RIN2: variants seen among roughly 807,000 people sequenced by gnomAD.
The protein encoded by RIN2 is RAB5 interacting protein 2.
RIN2 carries 36 observed loss-of-function variants against 78.0 expected under a neutral mutation model. That is an observed-to-expected ratio of 0.46 (90% CI 0.35 to 0.61). The LOEUF (loss-of-function observed/expected upper bound fraction) is 0.61. Ranked by LOEUF, RIN2 falls within the 20% of genes least tolerant of loss-of-function variation. The pLI is 0.00. For missense variants in RIN2, 1,087 were observed against 1,159.7 expected (o/e 0.94, Z 0.91); for synonymous variants, 466 against 466.8 (o/e 1.00, Z 0.02).
intron 4 of RIN2, among the ~76,000 whole-genome samples, chr20:19,954,311 C>T (rs531204726): frequency 5.3e-5 from 8 of 152,136 alleles, no homozygotes; most frequent in Non-Finnish European, 1.2e-4. Flanking sequence ...CAGTTGAGTT[C>T]CTTTGGGTTT....
At chr20:19,875,500 A>G (rs1010629295) in intron 2 of RIN2, among the ~76,000 whole-genome samples, 3 of 152,046 alleles carry the variant, frequency 2.0e-5, no homozygotes, top group Non-Finnish European at 4.4e-5. Flanking sequence ...AGTTAACTGG[A>G]TGTGGTATTG....
chr20:19,922,864 T>C (rs977106487), intron 3 of RIN2, among the ~76,000 whole-genome samples: 1 of 152,068 alleles, frequency 6.6e-6, no homozygotes, highest in Non-Finnish European at 1.5e-5. Flanking sequence ...TACCTTTCAC[T>C]CGCCTGTCTT....
At chr20:19,908,109 G>A (rs879293581) in intron 3 of RIN2, among the ~76,000 whole-genome samples, 1 of 152,124 alleles carries the variant, frequency 6.6e-6, no homozygotes, top group Non-Finnish European at 1.5e-5. Flanking sequence ...TTAGGTCCAT[G>A]CTCCATCTGT....
chr20:19,862,970 C>T (rs1335052567), intron 2 of RIN2, among the ~76,000 whole-genome samples: 3 of 152,224 alleles, frequency 2.0e-5, no homozygotes, highest in Admixed American at 1.3e-4. Context: ...CCATGTTCCT[C>T]CCTCTTGGCA....
chr20:19,810,558 G>T (rs1382391628), intron 2 of RIN2, among the ~76,000 whole-genome samples: 1 of 152,150 alleles, frequency 6.6e-6, no homozygotes, highest in Non-Finnish European at 1.5e-5. Context: ...CAGAGCCTCG[G>T]CAGAACATCA....
chr20:19,909,533 G>A (rs1568598538), intron 3 of RIN2, among the ~76,000 whole-genome samples: 1 of 152,074 alleles, frequency 6.6e-6, no homozygotes, highest in East Asian at 1.9e-4. Context: ...GCACGTCTCT[G>A]TGTTGAGCCC....
At chr20:19,909,822 C>T (rs1393494659) in intron 3 of RIN2, among the ~76,000 whole-genome samples, 2 of 152,230 alleles carry the variant, frequency 1.3e-5, no homozygotes, top group Admixed American at 6.5e-5. Context: ...GGCCACAAGA[C>T]ATTGGCTTCC....
At chr20:19,990,476 A>G (rs749891336) in intron 10 of RIN2, among the ~76,000 whole-genome samples, 165 bp downstream of exon 10, 1 of 152,174 alleles carries the variant, frequency 6.6e-6, no homozygotes, top group South Asian at 2.1e-4. Flanking sequence ...CCGGCACATT[A>G]GTCACATGCA....
chr20:19,769,984 C>G (rs545805694), intron 1 of RIN2, among the ~76,000 whole-genome samples: 1 of 152,076 alleles, frequency 6.6e-6, no homozygotes, highest in Admixed American at 6.5e-5. Flanking sequence ...AAAGGAAAAG[C>G]GAATATTTTA....
At chr20:19,931,810 A>G (rs2040453159) in intron 3 of RIN2, among the ~76,000 whole-genome samples, 1 of 148,090 alleles carries the variant, frequency 6.8e-6, no homozygotes, top group Non-Finnish European at 1.5e-5. Flanking sequence ...TTTAACTGCT[A>G]TGTAGCATTT....
intron 6 of RIN2, among the ~76,000 whole-genome samples, chr20:19,963,855 CTTTTTTTTTTTTTTTT>C (rs869033357): frequency 2.3e-5 from 2 of 86,622 alleles, no homozygotes; most frequent in African/African-American, 9.9e-5. Flanking sequence ...CAGTATGTGT[CTTTTTTTTTTTTTTTT>C]TTTTTTTTTT....
intron 3 of RIN2, among the ~76,000 whole-genome samples, chr20:19,919,146 G>C (rs1405683034): frequency 1.3e-5 from 2 of 152,326 alleles, no homozygotes; most frequent in East Asian, 3.9e-4. Context: ...TTCCAGCTGG[G>C]GGATGACAGA....
chr20:19,928,492 C>T (rs1251284040), intron 3 of RIN2, among the ~76,000 whole-genome samples: 12 of 152,166 alleles, frequency 7.9e-5, no homozygotes, highest in Non-Finnish European at 1.2e-4. Flanking sequence ...ATGAGGTCCC[C>T]GCCTACTGAG....
At chr20:19,780,102 T>C (rs1424233704) in intron 1 of RIN2, among the ~76,000 whole-genome samples, 2 of 152,218 alleles carry the variant, frequency 1.3e-5, no homozygotes, top group Non-Finnish European at 2.9e-5. Flanking sequence ...CACCAATGCC[T>C]CATTGACTCA....
chr20:19,930,764 C>T (rs6046463), intron 3 of RIN2, among the ~76,000 whole-genome samples: 101,840 of 152,050 alleles, frequency 0.67, 36,375 homozygotes, highest in East Asian at 0.98. Flanking sequence ...AAACTCCCCT[C>T]AACCCCTTCC....
intron 2 of RIN2, among the ~76,000 whole-genome samples, chr20:19,847,529 A>AG (rs2036824744): frequency 6.6e-6 from 1 of 152,182 alleles, no homozygotes; most frequent in African/African-American, 2.4e-5. Context: ...GGAGACCCAG[A>AG]GGGGGTTCTA....
At chr20:19,945,885 G>T (rs1201963010) in intron 4 of RIN2, among the ~76,000 whole-genome samples, 1 of 152,186 alleles carries the variant, frequency 6.6e-6, no homozygotes, top group Non-Finnish European at 1.5e-5. Flanking sequence ...AAGGCCAGGT[G>T]GCTCTTGGTA....
intron 2 of RIN2, among the ~76,000 whole-genome samples, chr20:19,842,723 A>C (rs1358884635): frequency 6.6e-6 from 1 of 152,116 alleles, no homozygotes; most frequent in Admixed American, 6.6e-5. Context: ...CTAACACAGC[A>C]TCCATTCTGC....
intron 1 of RIN2, among the ~76,000 whole-genome samples, chr20:19,764,918 G>GTT (rs10605325): frequency 0.11 from 5,265 of 50,086 alleles, 1,460 homozygotes; most frequent in African/African-American, 0.16. Context: ...CACTTTCTGC[G>GTT]TTTTTTTTTT....
Sources: allele counts gnomAD v4.1 joint callset (sites outside exome capture counted in the v4.1 genomes callset), GRCh38; gene constraint gnomAD v4.1.1; transcripts MANE v1.5; gene names NCBI Gene and HGNC (gene_info 2026-07-23, HGNC 2026-07-21).